The following CT55 variants were observed in gnomAD, a reference collection of about 807,000 sequenced individuals.
CT55 encodes the protein cancer/testis antigen 55.
Under a neutral mutation model 12.6 loss-of-function variants are expected in CT55, and 1 was observed. The ratio of observed to expected loss-of-function variants is 0.08; its 90% confidence interval spans 0.03 to 0.38. CT55 has a LOEUF of 0.38. CT55 is among the 10% of genes least tolerant of loss of function. The pLI, the probability that CT55 is intolerant of heterozygous loss-of-function variation, is 0.99. For synonymous variants in CT55, 43 were observed against 49.7 expected, an observed-to-expected ratio of 0.87 and a Z score of 0.57; for missense variants, 109 against 135.4, an observed-to-expected ratio of 0.80 and a Z score of 0.97.
intron 2 of CT55, among the ~76,000 whole-genome samples, chrX:135,164,474 AT>A (rs1556405643): frequency 8.9e-6 from 1 of 111,891 alleles, no homozygotes; most frequent in Admixed American, 9.4e-5. Context: ...ATAGAGAAAA[AT>A]CTCTTATCCA....
chrX:135,162,527 G>A lies in CT55; in HGVS notation c.280-1972C>T, dbSNP rs781797647. 2.7e-5 allele frequency among the ~76,000 whole-genome samples: 3 copies of A among 112,036 alleles called. No individual in the cohort carries two copies. The South Asian group carries it at 1.1e-3, about 42-fold the overall frequency. ...AACCAGGTGAGAGACCATGGTACCC[G>A]GTTATAGCATGAAAATAAGAAAACA... On this transcript the variant is annotated intron_variant, in intron 2 of 5. Transcript: ENST00000276241.
At chrX:135,169,555 T>C in intron 2 of CT55, 39 bp downstream of exon 2, 1 of 1,083,620 alleles carries the variant, frequency 9.2e-7, no homozygotes, top group East Asian at 3.1e-5. Flanking sequence ...GAAAGCCCAC[T>C]GGGATAAGAC....
At chrX:135,168,464 G>A (rs1446639324) in intron 2 of CT55, among the ~76,000 whole-genome samples, 2 of 111,712 alleles carry the variant, frequency 1.8e-5, no homozygotes, top group Non-Finnish European at 3.8e-5. Flanking sequence ...AGAGGAATGA[G>A]AAGATGTTGG....
chrX:135,160,406 C>T lies in CT55; in HGVS notation c.424+5G>A. 1 of 1,150,993 alleles carries T rather than the reference C, an allele frequency of 8.7e-7. No homozygotes were observed. The highest frequency in any genetic ancestry group is 1.2e-6 in the Non-Finnish European group (1 of 864,011). The allele number at this position is 1,150,993 out of a possible 1,213,427, so 94.9% of individuals were successfully genotyped here. A position where few individuals can be genotyped will look rare whatever the true frequency, so the allele number is the denominator to read the frequency against. ...ACATCATATATTTCAAAATATAAAT[C>T]ATACCTTCAGAAACAATGGCTATGG... On this transcript the variant is annotated splice_donor_5th_base_variant and intron_variant, in intron 3 of 5. Coordinates refer to ENST00000276241, the MANE Select transcript of CT55 (RefSeq NM_001031705.3).
At chrX:135,170,082 C>T (rs1331152431) in intron 1 of CT55, among the ~76,000 whole-genome samples, 2 of 111,836 alleles carry the variant, frequency 1.8e-5, no homozygotes, top group African/African-American at 6.5e-5. Flanking sequence ...TCTGGGCTAG[C>T]GGCAACCTCT....
intron 2 of CT55, among the ~76,000 whole-genome samples, chrX:135,164,246 G>C (rs192438204): frequency 4.6e-4 from 52 of 112,081 alleles, no homozygotes; most frequent in Middle Eastern, 4.6e-3. Flanking sequence ...TTTGTTAAGG[G>C]ATACAAAATA....
At chrX:135,166,060 A>G (rs1556405958) in intron 2 of CT55, among the ~76,000 whole-genome samples, 1 of 93,494 alleles carries the variant, frequency 1.1e-5, no homozygotes, top group Non-Finnish European at 2.2e-5. Context: ...AAAAAAAAAA[A>G]AAAACGGACA....
At chrX:135,165,285 A>G (rs782294515) in intron 2 of CT55, among the ~76,000 whole-genome samples, 2 of 112,253 alleles carry the variant, frequency 1.8e-5, no homozygotes, top group Non-Finnish European at 3.8e-5. Flanking sequence ...GGAACTTTGG[A>G]AACTTTAGAA....
intron 2 of CT55, among the ~76,000 whole-genome samples, chrX:135,163,297 C>A (rs1234671935): frequency 1.8e-5 from 2 of 112,314 alleles, no homozygotes; most frequent in Admixed American, 1.9e-4. Flanking sequence ...TCCACATGCT[C>A]TGTGAACCTT....
chrX:135,159,651 T>C (rs1334552120), intron 3 of CT55, among the ~76,000 whole-genome samples: 1 of 111,302 alleles, frequency 9.0e-6, no homozygotes, highest in African/African-American at 3.3e-5. Flanking sequence ...TATTACAACG[T>C]TTTCCTGACT....
chrX:135,169,888 C>T (rs1371842487), intron 1 of CT55, 110 bp from the exon 2 acceptor site: 24 of 397,442 alleles, frequency 6.0e-5, no homozygotes, highest in Non-Finnish European at 9.3e-5. Context: ...AGTTTTATAA[C>T]GTCTCTGACC....
intron 1 of CT55, 111 bp from the exon 2 acceptor site, chrX:135,169,889 G>A (rs1310489647): frequency 1.3e-5 from 5 of 397,551 alleles, no homozygotes; most frequent in Middle Eastern, 7.9e-4. Flanking sequence ...GTTTTATAAC[G>A]TCTCTGACCT....
At chrX:135,169,946 G>A (rs2083603518) in intron 1 of CT55, among the ~76,000 whole-genome samples, 168 bp from the exon 2 acceptor site, 1 of 111,646 alleles carries the variant, frequency 9.0e-6, no homozygotes, top group African/African-American at 3.3e-5. Context: ...GCCTAATAGG[G>A]TTGTTGTAGG....
At chrX:135,161,941 G>A (rs1556405248) in intron 2 of CT55, among the ~76,000 whole-genome samples, 1 of 112,513 alleles carries the variant, frequency 8.9e-6, no homozygotes. Context: ...GGACCTCTCT[G>A]TTCCTTGACT....
At chrX:135,166,407 C>T (rs2148444687) in intron 2 of CT55, among the ~76,000 whole-genome samples, 1 of 111,594 alleles carries the variant, frequency 9.0e-6, no homozygotes, top group East Asian at 2.8e-4. Context: ...GAATTCCACA[C>T]CTCTTCGTGA....
rs782779795 is a variant in CT55, at chrX:135,160,562, G to A, written c.280-7C>T. The A allele has an allele frequency of 8.5e-7, 1 of 1,176,869 alleles. No homozygotes were observed. Among genetic ancestry groups the A allele is most frequent in the Non-Finnish European group, 1.1e-6 (1 of 885,032 alleles). Reference sequence around the variant, plus strand: ...GGCGAGGCACAACATCCACCTGTAAGATTTAGGAAAGAGTTTACTTCAAAA... The same window carrying A: ...GGCGAGGCACAACATCCACCTGTAAAATTTAGGAAAGAGTTTACTTCAAAA... On this transcript the variant is annotated splice_polypyrimidine_tract_variant and splice_region_variant and intron_variant, in intron 2 of 5. Coordinates refer to ENST00000276241, the MANE Select transcript of CT55 (RefSeq NM_001031705.3).
intron 2 of CT55, among the ~76,000 whole-genome samples, chrX:135,166,920 CTA>C (rs1192121684): frequency 1.8e-5 from 2 of 111,786 alleles, no homozygotes; most frequent in East Asian, 5.6e-4. Flanking sequence ...ACACTGAAAA[CTA>C]TAAACCATTG....
chrX:135,162,402 G>A (rs1198350339), intron 2 of CT55, among the ~76,000 whole-genome samples: 3 of 112,269 alleles, frequency 2.7e-5, no homozygotes, highest in African/African-American at 9.7e-5. Flanking sequence ...GAGGAGGGGA[G>A]CAAGATGGAG....
At chrX:135,158,471 A>C (rs2083547274) in intron 3 of CT55, among the ~76,000 whole-genome samples, 160 bp from the exon 4 acceptor site, 2 of 112,597 alleles carry the variant, frequency 1.8e-5, no homozygotes, top group African/African-American at 6.5e-5. Flanking sequence ...TCTAAGTCCA[A>C]AAAGAAGTTT....
Sources: allele counts gnomAD v4.1 joint callset (sites outside exome capture counted in the v4.1 genomes callset), GRCh38; gene constraint gnomAD v4.1.1; transcripts MANE v1.5; gene names NCBI Gene and HGNC (gene_info 2026-07-23, HGNC 2026-07-21).